PRKD1: variants seen among roughly 807,000 people sequenced by gnomAD.
PRKD1 encodes protein kinase D1.
Under a neutral mutation model 95.9 loss-of-function variants are expected in PRKD1, and 63 were observed. That is an observed-to-expected ratio of 0.66 (90% CI 0.54 to 0.81). The LOEUF is 0.81. Among genes scored for constraint, PRKD1 ranks in the 30% least tolerant of loss-of-function variants. The pLI is 0.00. For missense variants in PRKD1, 1,048 were observed against 1,165.3 expected (o/e 0.90, Z 1.47); for synonymous variants, 425 against 423.1 (o/e 1.00, Z -0.05).
Position 29,624,111 on chromosome 14 carries a change from G to T in PRKD1, c.1905+41C>A, listed in dbSNP as rs756924078. Reference sequence around the variant, plus strand: ...TGCTTTGCAGAAGTAAAGGATGAGGGATTTTTATACCCTTTCCCCAAATGA... The same window carrying T: ...TGCTTTGCAGAAGTAAAGGATGAGGTATTTTTATACCCTTTCCCCAAATGA... On this transcript the variant is annotated intron_variant, in intron 13 of 17. Transcript: ENST00000331968. The T allele has an allele frequency of 3.5e-6, 5 of 1,414,302 alleles. No individual in the cohort carries two copies. The South Asian group carries it at 3.8e-5, about 11-fold the overall frequency. The allele number at this position is 1,414,302 out of a possible 1,614,324, so 87.6% of individuals were successfully genotyped here.
At chr14:29,773,606 C>A (rs991545532) in intron 1 of PRKD1, among the ~76,000 whole-genome samples, 2 of 151,906 alleles carry the variant, frequency 1.3e-5, no homozygotes, top group African/African-American at 4.8e-5. Flanking sequence ...TTTGTTGATT[C>A]CTTTTGAAAA....
At chr14:29,834,024 C>A (rs959307961) in intron 1 of PRKD1, among the ~76,000 whole-genome samples, 1 of 152,114 alleles carries the variant, frequency 6.6e-6, no homozygotes, top group African/African-American at 2.4e-5. Context: ...TGATGGAGAT[C>A]CCCTCCACAG....
intron 1 of PRKD1, among the ~76,000 whole-genome samples, chr14:29,841,480 G>A (rs955188322): frequency 5.9e-5 from 9 of 152,152 alleles, no homozygotes; most frequent in Non-Finnish European, 1.0e-4. Flanking sequence ...TCTTTCCCAT[G>A]TGGTTCTCAT....
chr14:29,804,729 T>C lies in PRKD1; in HGVS notation c.265-79055A>G, dbSNP rs574957197. Among the ~76,000 whole-genome samples, 16 of 152,296 alleles carry C rather than the reference T, an allele frequency of 1.1e-4. No homozygotes were observed. In the South Asian group the frequency reaches 3.3e-3, roughly 32 times the overall value. On this transcript the variant is annotated intron_variant, in intron 1 of 17. Coordinates refer to ENST00000331968, the MANE Select transcript of PRKD1 (RefSeq NM_002742.3). ...TGAGACAAACCTCTCAGTGCTAACA[T>C]TATTGCTATTTATCTGAAGTATTTT...
intron 1 of PRKD1, among the ~76,000 whole-genome samples, chr14:29,853,580 A>C (rs1892386606): frequency 6.6e-6 from 1 of 152,198 alleles, no homozygotes; most frequent in South Asian, 2.1e-4. Flanking sequence ...GCATTCCTAC[A>C]CCGAAGGTCT....
At chr14:29,675,896 G>T (rs1430290469) in intron 2 of PRKD1, among the ~76,000 whole-genome samples, 1 of 147,614 alleles carries the variant, frequency 6.8e-6, no homozygotes, top group Non-Finnish European at 1.5e-5. Context: ...CACAAACACC[G>T]CATGTTCTCA....
intron 6 of PRKD1, 81 bp downstream of exon 6, chr14:29,638,408 C>A: frequency 1.3e-6 from 2 of 1,521,264 alleles, no homozygotes; most frequent in Non-Finnish European, 1.8e-6. Flanking sequence ...AAAACCAAAA[C>A]CAAAAACCCT....
intron 1 of PRKD1, among the ~76,000 whole-genome samples, chr14:29,752,153 A>T (rs150068849): frequency 1.2e-3 from 190 of 152,318 alleles, no homozygotes; most frequent in African/African-American, 4.3e-3. Flanking sequence ...GTTCCCTGAG[A>T]TATATTTAGC....
chr14:29,902,888 G>C (rs971718861), intron 1 of PRKD1, among the ~76,000 whole-genome samples: 4 of 152,112 alleles, frequency 2.6e-5, no homozygotes, highest in African/African-American at 9.7e-5. Context: ...CATAACGACT[G>C]TTAGAATTTT....
rs781350170 is a variant in PRKD1 at position 29,634,520 on chromosome 14, G to T, written c.1212C>A (p.Ile404=). ...CAGACTGCACTACCCTCATGAGTGGGATATTGTTGCTTGTTGATGGACTTG... is the reference window on the plus strand; with the variant it reads ...CAGACTGCACTACCCTCATGAGTGGTATATTGTTGCTTGTTGATGGACTTG... ...RTISPSTSNN[I]PLMRVVQSVK... Residue 404 remains isoleucine, a synonymous_variant, in exon 8 of 18, where the codon ATC becomes ATA. Transcript: ENST00000331968. The T allele has an allele frequency of 6.2e-7, 1 of 1,614,022 alleles. No individual in the cohort carries two copies. Among genetic ancestry groups the T allele is most frequent in the Non-Finnish European group, 8.5e-7 (1 of 1,179,948 alleles).
chr14:29,724,584 T>A (rs1886052256), intron 2 of PRKD1, among the ~76,000 whole-genome samples: 1 of 152,152 alleles, frequency 6.6e-6, no homozygotes, highest in Non-Finnish European at 1.5e-5. Context: ...AGAACTAGAC[T>A]GAATCAAAGC....
Position 29,873,885 on chromosome 14 carries a change from A to G in PRKD1, c.264+53364T>C, listed in dbSNP as rs927528093. ...ACACACATACACACAGCTGCACTGG[A>G]ATATGTGGCCAAATTTGTTTATGCC... On this transcript the variant is annotated intron_variant, in intron 1 of 17. Coordinates refer to ENST00000331968, the MANE Select transcript of PRKD1 (RefSeq NM_002742.3). 1.5e-4 allele frequency among the ~76,000 whole-genome samples: 23 copies of G among 152,100 alleles called. 1 individual carries two copies. The highest frequency in any genetic ancestry group is 5.5e-4 in the African/African-American group (23 of 41,444).
intron 1 of PRKD1, among the ~76,000 whole-genome samples, chr14:29,814,868 A>C (rs1180001167): frequency 1.3e-5 from 2 of 152,242 alleles, no homozygotes; most frequent in Non-Finnish European, 2.9e-5. Flanking sequence ...ACTAAGCAAA[A>C]TATAGGAAAG....
chr14:29,639,129 A>T (rs966634720), intron 4 of PRKD1, among the ~76,000 whole-genome samples: 7 of 152,282 alleles, frequency 4.6e-5, no homozygotes, highest in African/African-American at 1.4e-4. Context: ...ATTGGAGATC[A>T]GAATGTTTAA....
intron 1 of PRKD1, among the ~76,000 whole-genome samples, chr14:29,925,908 C>T (rs1895278769): frequency 6.6e-6 from 1 of 152,182 alleles, no homozygotes; most frequent in South Asian, 2.1e-4. Flanking sequence ...AGTGCTCCTG[C>T]TGACCCACAA....
chr14:29,821,861 C>T (rs1300197787), intron 1 of PRKD1, among the ~76,000 whole-genome samples: 1 of 152,008 alleles, frequency 6.6e-6, no homozygotes, highest in Admixed American at 6.5e-5. Flanking sequence ...ACCATGTGTG[C>T]CTGCACACAC....
chr14:29,754,198 A>G (rs1185114536), intron 1 of PRKD1, among the ~76,000 whole-genome samples: 1 of 152,170 alleles, frequency 6.6e-6, no homozygotes, highest in African/African-American at 2.4e-5. Flanking sequence ...GGTGGTGGGC[A>G]TTAAAAGTTT....
In PRKD1 at chr14:29,725,535, C is replaced by A. The variant is rs1294109399; in HGVS notation, c.403+1G>T. 1.2e-6 allele frequency: 2 copies of A among 1,612,796 alleles called. No homozygotes were observed. The highest frequency in any genetic ancestry group is 1.7e-5 in the Admixed American group (1 of 59,868). On this transcript the variant is annotated splice_donor_variant, in intron 2 of 17. Transcript: ENST00000331968. LOFTEE classifies it high-confidence loss of function. Reference sequence around the variant, plus strand: ...AAAGAAAAGGTATAAAAGTATACTACCTGACAAGACCACTTCAATAAGATC... The same window carrying A: ...AAAGAAAAGGTATAAAAGTATACTAACTGACAAGACCACTTCAATAAGATC...
rs181869293 is a variant in PRKD1, at chr14:29,608,424, T to G, written c.1906-8607A>C. ...TATTTTATATTAACATAAAAGTCTT[T>G]TATTTTATTCTTATGCTGATATATA... On this transcript the variant is annotated intron_variant, in intron 13 of 17. Transcript: ENST00000331968. Among the ~76,000 whole-genome samples, 42 of 152,262 alleles carry G rather than the reference T, an allele frequency of 2.8e-4. No homozygotes were observed. In the East Asian group the frequency reaches 8.1e-3, roughly 29 times the overall value.
Sources: gnomAD v4.1 joint callset for allele counts (sites outside exome capture counted in the v4.1 genomes callset) on GRCh38, gnomAD v4.1.1 for gene constraint, MANE v1.5 for transcripts, NCBI Gene and HGNC (gene_info 2026-07-23, HGNC 2026-07-21) for gene names.